The following CADM2 variants were observed in gnomAD, a reference collection of about 807,000 sequenced individuals.
CADM2 encodes the protein immunoglobulin superfamily member 4D.
CADM2 carries 12 observed loss-of-function variants against 49.8 expected under a neutral mutation model. That is an observed-to-expected ratio of 0.24 (90% CI 0.15 to 0.39). The LOEUF is 0.39. Ranked by LOEUF, CADM2 falls within the 10% of genes least tolerant of loss-of-function variation. CADM2 has a pLI of 1.00. For synonymous variants in CADM2, 214 were observed against 175.4 expected, an observed-to-expected ratio of 1.22 and a Z score of -1.74; for missense variants, 378 against 492.3, an observed-to-expected ratio of 0.77 and a Z score of 2.20.
chr3:85,395,784 G>GAA (rs2034755242), intron 1 of CADM2, among the ~76,000 whole-genome samples: 1 of 151,746 alleles, frequency 6.6e-6, no homozygotes, highest in Non-Finnish European at 1.5e-5. Context: ...TGATTGAAGT[G>GAA]AATTCTTGAG....
chr3:85,325,899 C>G (rs2044738638), intron 1 of CADM2, among the ~76,000 whole-genome samples: 1 of 152,116 alleles, frequency 6.6e-6, no homozygotes, highest in Non-Finnish European at 1.5e-5. Context: ...AACAGGGACT[C>G]TCCTCAAGCG....
chr3:85,497,773 G>A (rs1293673119), intron 1 of CADM2, among the ~76,000 whole-genome samples: 1 of 152,014 alleles, frequency 6.6e-6, no homozygotes, highest in Admixed American at 6.6e-5. Flanking sequence ...ATGTAGAGTA[G>A]CCAAGATAAT....
At chr3:85,188,833 C>A (rs1416590557) in intron 1 of CADM2, among the ~76,000 whole-genome samples, 1 of 151,890 alleles carries the variant, frequency 6.6e-6, no homozygotes, top group Non-Finnish European at 1.5e-5. Context: ...AGATCGAGAC[C>A]ATCCTGGCTA....
chr3:85,039,002 T>C (rs916012348), intron 1 of CADM2, among the ~76,000 whole-genome samples: 3 of 152,200 alleles, frequency 2.0e-5, no homozygotes, highest in African/African-American at 7.2e-5. Context: ...TATATACTTA[T>C]GTTGTTTTCA....
intron 1 of CADM2, among the ~76,000 whole-genome samples, chr3:85,454,228 G>A (rs1282863896): frequency 1.3e-5 from 2 of 152,102 alleles, no homozygotes; most frequent in African/African-American, 4.8e-5. Context: ...GGTGGCAGGA[G>A]GCTGAGGAAG....
intron 1 of CADM2, among the ~76,000 whole-genome samples, chr3:85,465,429 A>G (rs2038448335): frequency 2.0e-5 from 3 of 152,210 alleles, no homozygotes; most frequent in Admixed American, 6.5e-5. Flanking sequence ...TAATTTAAAA[A>G]GTCAACGAAC....
At chr3:85,026,722 A>C (rs1388369307) in intron 1 of CADM2, among the ~76,000 whole-genome samples, 1 of 152,196 alleles carries the variant, frequency 6.6e-6, no homozygotes, top group Non-Finnish European at 1.5e-5. Flanking sequence ...AGTTACCCAG[A>C]GGGAAACTGG....
chr3:85,185,342 T>A (rs534106459), intron 1 of CADM2, among the ~76,000 whole-genome samples: 14 of 150,248 alleles, frequency 9.3e-5, no homozygotes, highest in East Asian at 3.9e-4. Context: ...AAAAAAAAAA[T>A]GATGGTCCTT....
At chr3:85,983,052 A>G (rs1727665412) in intron 8 of CADM2, among the ~76,000 whole-genome samples, 1 of 151,746 alleles carries the variant, frequency 6.6e-6, no homozygotes, top group Non-Finnish European at 1.5e-5. Context: ...CTCCATTTAC[A>G]CTTTTACAAC....
At chr3:85,986,750 A>G (rs1394841935) in intron 8 of CADM2, among the ~76,000 whole-genome samples, 1 of 152,132 alleles carries the variant, frequency 6.6e-6, no homozygotes, top group Non-Finnish European at 1.5e-5. Context: ...AAAACAAGGT[A>G]GAAATGCTTA....
chr3:85,357,616 T>G (rs1462976366), intron 1 of CADM2, among the ~76,000 whole-genome samples: 1 of 152,060 alleles, frequency 6.6e-6, no homozygotes, highest in Non-Finnish European at 1.5e-5. Flanking sequence ...ATGGCAAAAT[T>G]AGATCTTCAG....
At chr3:85,111,025 T>G (rs1028965913) in intron 1 of CADM2, among the ~76,000 whole-genome samples, 2 of 151,896 alleles carry the variant, frequency 1.3e-5, no homozygotes, top group Non-Finnish European at 2.9e-5. Flanking sequence ...AAGCAACTTT[T>G]TAAAAGTACA....
chr3:85,440,821 G>A (rs1292477982), intron 1 of CADM2, among the ~76,000 whole-genome samples: 3 of 151,914 alleles, frequency 2.0e-5, no homozygotes, highest in Non-Finnish European at 4.4e-5. Context: ...CATCTTTACA[G>A]AAACACAAAA....
chr3:85,008,695 G>T (rs992917420), intron 1 of CADM2, among the ~76,000 whole-genome samples: 6 of 152,160 alleles, frequency 3.9e-5, no homozygotes, highest in South Asian at 2.1e-4. Flanking sequence ...AAAGAAAATT[G>T]AGGGATCAGA....
At chr3:85,689,222 GACAGAACGATC>G (rs2066308841) in intron 1 of CADM2, among the ~76,000 whole-genome samples, 1 of 152,158 alleles carries the variant, frequency 6.6e-6, no homozygotes, top group Non-Finnish European at 1.5e-5. Context: ...AAACTGTAAT[GACAGAACGATC>G]ACGGGAACCT....
intron 1 of CADM2, among the ~76,000 whole-genome samples, chr3:85,131,281 T>C (rs558822077): frequency 2.0e-5 from 3 of 152,336 alleles, no homozygotes; most frequent in Admixed American, 6.5e-5. Flanking sequence ...TCTCAGAAAC[T>C]GTTGAATTTT....
At chr3:85,950,244 CTGTG>C (rs1723277993) in intron 7 of CADM2, among the ~76,000 whole-genome samples, 1 of 151,066 alleles carries the variant, frequency 6.6e-6, no homozygotes, top group Non-Finnish European at 1.5e-5. Flanking sequence ...AATTAATATT[CTGTG>C]TTTACCAAAG....
chr3:85,868,211 A>C (rs2075794108), intron 3 of CADM2, among the ~76,000 whole-genome samples: 1 of 152,034 alleles, frequency 6.6e-6, no homozygotes, highest in Non-Finnish European at 1.5e-5. Flanking sequence ...ACCATATTGA[A>C]CATTTTATTT....
At chr3:85,298,612 C>T (rs187903720) in intron 1 of CADM2, among the ~76,000 whole-genome samples, 2 of 152,126 alleles carry the variant, frequency 1.3e-5, no homozygotes, top group Admixed American at 1.3e-4. Context: ...AAGCAAAGAC[C>T]AGTTGTCACC....
Sources: allele counts gnomAD v4.1 joint callset (sites outside exome capture counted in the v4.1 genomes callset), GRCh38; gene constraint gnomAD v4.1.1; transcripts MANE v1.5; gene names NCBI Gene and HGNC (gene_info 2026-07-23, HGNC 2026-07-21).